NOS1: variants seen among roughly 807,000 people sequenced by gnomAD.
The protein encoded by NOS1 is nitric oxide synthase 1.
A neutral mutation model predicts 164.5 loss-of-function variants in NOS1; 51 were observed. That is an observed-to-expected ratio of 0.31 (90% CI 0.25 to 0.39). The LOEUF is 0.39. Among genes scored for constraint, NOS1 ranks in the 10% least tolerant of loss-of-function variants. The pLI, the probability that NOS1 is intolerant of heterozygous loss-of-function variation, is 1.00. For synonymous variants in NOS1, 719 were observed against 745.8 expected, an observed-to-expected ratio of 0.96 and a Z score of 0.59; for missense variants, 1,362 against 1,885.6, an observed-to-expected ratio of 0.72 and a Z score of 5.14.
chr12:117,244,603 G>A (rs1870471785), intron 18 of NOS1, among the ~76,000 whole-genome samples: 1 of 152,204 alleles, frequency 6.6e-6, no homozygotes, highest in African/African-American at 2.4e-5. Context: ...ACTTTTAAGA[G>A]TAGTTTTTAC....
chr12:117,276,760 C>T (rs1873217946), intron 9 of NOS1, among the ~76,000 whole-genome samples: 2 of 152,162 alleles, frequency 1.3e-5, no homozygotes, highest in African/African-American at 4.8e-5. Context: ...TGCCTTATTT[C>T]ACTTAACATA....
At chr12:117,336,300 T>A (rs1875817680) in intron 1 of NOS1, among the ~76,000 whole-genome samples, 3 of 152,162 alleles carry the variant, frequency 2.0e-5, no homozygotes, top group African/African-American at 7.2e-5. Flanking sequence ...ATGAAGAATG[T>A]TAGGATGAAG....
intron 3 of NOS1, chr12:117,309,379 C>T (rs976295690): frequency 3.0e-6 from 3 of 985,272 alleles, no homozygotes; most frequent in Non-Finnish European, 3.6e-6. Context: ...AAGCAGTTAC[C>T]ACCAAGGCTC....
At position 117,218,117 on chromosome 12, in the gene NOS1, C is replaced by G; in HGVS notation, c.4218G>C (p.Thr1406=). Residue 1406 remains threonine (T), a synonymous_variant, in exon 28 of 29, where the codon ACG becomes ACC. Transcript: ENST00000317775. ...ATCTAAGGCGGTTGGTCACTTCGTA[C>G]GTTCGCAGGGTGACTCCAAAAATAT... is the stretch of plus-strand genomic sequence containing the variant. ...HEDIFGVTLR[T]YEVTNRLRSE... 6.2e-7 allele frequency: 1 copy of G among 1,614,144 alleles called. No individual in the cohort carries two copies. The highest frequency in any genetic ancestry group is 8.5e-7 in the Non-Finnish European group (1 of 1,180,016).
At chr12:117,311,143 G>A (rs1874410649) in intron 3 of NOS1, among the ~76,000 whole-genome samples, 1 of 152,178 alleles carries the variant, frequency 6.6e-6, no homozygotes, top group African/African-American at 2.4e-5. Flanking sequence ...GGGGTTACAG[G>A]CATGAGGCAC....
intron 2 of NOS1, among the ~76,000 whole-genome samples, chr12:117,316,872 CTG>C (rs1201049851): frequency 6.6e-6 from 1 of 152,044 alleles, no homozygotes; most frequent in Non-Finnish European, 1.5e-5. Context: ...TTTAGTAACT[CTG>C]TTTTTTTATT....
Position 117,283,056 on chromosome 12 carries a change from A to ATT in NOS1, c.1382+2183_1382+2184dup, listed in dbSNP as rs201451951. Among the ~76,000 whole-genome samples, 53 of 92,948 alleles carry ATT rather than the reference A, an allele frequency of 5.7e-4. No individual in the cohort carries two copies. In the East Asian group the frequency reaches 6.9e-3, roughly 12 times the overall value. The allele number at this position is 92,948 out of a possible 152,430, so 61.0% of individuals were successfully genotyped here. ...TAACATTATATATATATATATATATATTTTTTTTTTTTTTTTTGAGACAGT... is the reference window on the plus strand; with the variant it reads ...TAACATTATATATATATATATATATATTTTTTTTTTTTTTTTTTTGAGACAGT... On this transcript the variant is annotated intron_variant, in intron 7 of 28. Coordinates refer to ENST00000317775, the MANE Select transcript of NOS1 (RefSeq NM_000620.5).
Position 117,220,091 on chromosome 12 carries a change from A to G in NOS1, c.4154T>C (p.Phe1385Ser), listed in dbSNP as rs767960370. ...GTCACTCACCCTCATCCGGCTGATG[A>G]ATACGCCGGCGTCCTCTGCCGAGAG... ...GKLSAEDAGV[F>S]ISRMRDDNRY... The change falls in exon 27 of 29, where the codon TTC becomes TCC. Residue 1385 changes from phenylalanine to serine, a missense_variant. Phe to Ser is a radical substitution (Grantham distance 155, BLOSUM62 -2). Coordinates refer to ENST00000317775, the MANE Select transcript of NOS1 (RefSeq NM_000620.5). The G allele has an allele frequency of 6.2e-7, 1 of 1,609,944 alleles. No homozygotes were observed. The highest frequency in any genetic ancestry group is 8.5e-7 in the Non-Finnish European group (1 of 1,178,066).
At chr12:117,320,115 T>C (rs1229016045) in intron 2 of NOS1, among the ~76,000 whole-genome samples, 2 of 152,200 alleles carry the variant, frequency 1.3e-5, no homozygotes, top group Non-Finnish European at 2.9e-5. Context: ...GCCACAGCAT[T>C]GCTCAATGGC....
intron 7 of NOS1, among the ~76,000 whole-genome samples, chr12:117,283,855 CA>C (rs61448842): frequency 0.085 from 5,403 of 63,448 alleles, 81 homozygotes; most frequent in Non-Finnish European, 0.11. Flanking sequence ...GACTCTGTCT[CA>C]AAAAAAAAAA....
chr12:117,275,087 G>A (rs1244708276), intron 9 of NOS1, among the ~76,000 whole-genome samples: 1 of 152,056 alleles, frequency 6.6e-6, no homozygotes, highest in Non-Finnish European at 1.5e-5. Context: ...CATTCTCCAT[G>A]ATGTGCTTAT....
rs751705428 is a variant in NOS1, at chr12:117,257,917, G to A, written c.2531+480C>T. Among the ~76,000 whole-genome samples, 74 of 148,760 alleles carry A rather than the reference G, an allele frequency of 5.0e-4. 1 individual carries two copies. The highest frequency in any genetic ancestry group is 3.5e-3 in the Middle Eastern group (1 of 286). On this transcript the variant is annotated intron_variant, in intron 16 of 28. Coordinates refer to ENST00000317775, the MANE Select transcript of NOS1 (RefSeq NM_000620.5). ...CCTCCCAGGTTCAAGCGATTCTCCC[G>A]CCTCAGCCTCCCGAGTAGCTGGGAT...
intron 17 of NOS1, among the ~76,000 whole-genome samples, chr12:117,252,904 T>A (rs1871202882): frequency 6.6e-6 from 1 of 152,202 alleles, no homozygotes; most frequent in Non-Finnish European, 1.5e-5. Flanking sequence ...GCAACTCACA[T>A]CAGTCTTGTC....
chr12:117,352,800 C>T (rs1304398390), intron 1 of NOS1, among the ~76,000 whole-genome samples: 2 of 152,012 alleles, frequency 1.3e-5, no homozygotes, highest in Non-Finnish European at 1.5e-5. Flanking sequence ...GGGATAGAAA[C>T]GAGAAGGCTA....
At chr12:117,283,122 G>A (rs1369364327) in intron 7 of NOS1, among the ~76,000 whole-genome samples, 17 of 148,162 alleles carry the variant, frequency 1.1e-4, no homozygotes, top group African/African-American at 4.2e-4. Flanking sequence ...GTGCAGTGGT[G>A]CAACCTCGGC....
Position 117,227,491 on chromosome 12 carries a change from G to T in NOS1, c.3556C>A (p.Pro1186Thr). 1 of 1,613,322 alleles carries T rather than the reference G, an allele frequency of 6.2e-7. No individual in the cohort carries two copies. The highest frequency in any genetic ancestry group is 8.5e-7 in the Non-Finnish European group (1 of 1,179,634). Residue 1186 changes from proline to threonine, a missense_variant, in exon 23 of 29, where the codon CCA becomes ACA. Around this residue, in one of 4 missense-constraint regions of NOS1, gnomAD observed 737 missense variants for 1,030.3 expected, o/e 0.72. Coordinates refer to ENST00000317775, the MANE Select transcript of NOS1 (RefSeq NM_000620.5). ...QPRYYSISSS[P>T]DMYPDEVHLT... ...TGCACTTCATCAGGGTACATGTCTG[G>T]GGAGGAGCTGATGGAATAGTAGCGG... is the stretch of plus-strand genomic sequence containing the variant.
chr12:117,222,962 C>G, intron 25 of NOS1, 99 bp from the exon 26 acceptor site: 1 of 1,386,496 alleles, frequency 7.2e-7, no homozygotes, highest in Non-Finnish European at 9.9e-7. Context: ...TAGCGTGTGC[C>G]ATGCGGATAG....
chr12:117,329,993 C>T (rs1223274724), intron 2 of NOS1, among the ~76,000 whole-genome samples: 4 of 152,174 alleles, frequency 2.6e-5, no homozygotes, highest in African/African-American at 7.2e-5. Flanking sequence ...GCCTCCACTC[C>T]GAGCCTCCGT....
rs761119685 is a variant in NOS1, at chr12:117,235,353, T to A, written c.3042-595A>T. ...CCTCATTCTCTCCTTCTTAACTCCC[T>A]TCTTTTGGATTCTAGCACCCCATTC... On this transcript the variant is annotated intron_variant, in intron 20 of 28. Coordinates refer to ENST00000317775, the MANE Select transcript of NOS1 (RefSeq NM_000620.5). Among the ~76,000 whole-genome samples the A allele has an allele frequency of 1.6e-4, 24 of 152,240 alleles. 1 individual carries two copies. The highest frequency in any genetic ancestry group is 3.4e-3 in the Middle Eastern group (1 of 294).
Sources: gnomAD v4.1 joint callset for allele counts (sites outside exome capture counted in the v4.1 genomes callset) on GRCh38, gnomAD v4.1.1 for gene constraint, gnomAD v4.1.1 regional missense constraint, MANE v1.5 for transcripts, NCBI Gene and HGNC (gene_info 2026-07-23, HGNC 2026-07-21) for gene names.